The following NBEA variants were observed in gnomAD, a reference collection of about 807,000 sequenced individuals.
The protein encoded by NBEA is lysosomal-trafficking regulator 2.
In NBEA, 44 loss-of-function variants were observed where a neutral mutation model predicts 343.4. The ratio of observed to expected loss-of-function variants is 0.13; its 90% CI spans 0.10 to 0.16. The LOEUF is 0.16. Among genes scored for constraint, NBEA ranks in the 10% least tolerant of loss-of-function variants. NBEA has a pLI of 1.00. For synonymous variants in NBEA, 1,175 were observed against 1,238.7 expected, an observed-to-expected ratio of 0.95 and a Z score of 1.08; for missense variants, 2,555 against 3,631.3, an observed-to-expected ratio of 0.70 and a Z score of 7.62.
chr13:35,203,475 T>G (rs1593730812), intron 31 of NBEA, among the ~76,000 whole-genome samples: 1 of 152,218 alleles, frequency 6.6e-6, no homozygotes, highest in East Asian at 1.9e-4. Context: ...CTTACAGCAC[T>G]TAACATCTGA....
intron 48 of NBEA, among the ~76,000 whole-genome samples, chr13:35,624,444 C>A (rs1343023576): frequency 6.6e-6 from 1 of 151,924 alleles, no homozygotes; most frequent in East Asian, 1.9e-4. Flanking sequence ...CTGTATAAAT[C>A]AAGATATTTG....
intron 55 of NBEA, 124 bp downstream of exon 55, chr13:35,655,873 G>A: frequency 1.2e-6 from 1 of 805,356 alleles, no homozygotes; most frequent in Non-Finnish European, 1.9e-6. Flanking sequence ...AGCTTAAGTG[G>A]CCAAAATCTG....
At chr13:35,662,756 G>C (rs879403992) in intron 55 of NBEA, among the ~76,000 whole-genome samples, 1 of 152,128 alleles carries the variant, frequency 6.6e-6, no homozygotes, top group Non-Finnish European at 1.5e-5. Flanking sequence ...CATGCATAAG[G>C]AATATTTTTA....
At chr13:34,975,344 A>G (rs1313502159) in intron 1 of NBEA, among the ~76,000 whole-genome samples, 2 of 152,200 alleles carry the variant, frequency 1.3e-5, no homozygotes, top group African/African-American at 2.4e-5. Flanking sequence ...AAAGCAAACA[A>G]AAGCATAAAG....
At chr13:35,329,589 A>G (rs543868745) in intron 36 of NBEA, among the ~76,000 whole-genome samples, 104 of 152,154 alleles carry the variant, frequency 6.8e-4, no homozygotes, top group Non-Finnish European at 1.2e-3. Flanking sequence ...GAAGCCAAAC[A>G]GCAAAGACAT....
intron 48 of NBEA, among the ~76,000 whole-genome samples, chr13:35,620,594 T>A (rs2082939741): frequency 6.6e-6 from 1 of 152,144 alleles, no homozygotes; most frequent in Admixed American, 6.5e-5. Context: ...AAATGTAAAG[T>A]CCTTGCAATC....
chr13:35,178,301 G>A (rs2071056762), intron 28 of NBEA, among the ~76,000 whole-genome samples: 1 of 151,664 alleles, frequency 6.6e-6, no homozygotes, highest in African/African-American at 2.4e-5. Context: ...AGTCGTTCTA[G>A]TCAGAATTTG....
At chr13:35,589,998 A>G (rs2081460561) in intron 46 of NBEA, among the ~76,000 whole-genome samples, 1 of 152,150 alleles carries the variant, frequency 6.6e-6, no homozygotes, top group Non-Finnish European at 1.5e-5. Context: ...ATTCATTTAT[A>G]CATCTTATCT....
intron 41 of NBEA, among the ~76,000 whole-genome samples, chr13:35,514,396 A>C (rs2152988520): frequency 6.6e-6 from 1 of 152,238 alleles, no homozygotes; most frequent in South Asian, 2.1e-4. Context: ...CGGTATAATT[A>C]GTCAAATTAC....
intron 1 of NBEA, among the ~76,000 whole-genome samples, chr13:35,007,811 A>G (rs1213240675): frequency 6.6e-6 from 1 of 152,066 alleles, no homozygotes; most frequent in East Asian, 1.9e-4. Flanking sequence ...TGTTTTTCAC[A>G]TTAGTAATTA....
At chr13:35,113,586 C>CATCTATCTATCTATCTATCT (rs71078081) in intron 13 of NBEA, among the ~76,000 whole-genome samples, 36 of 146,692 alleles carry the variant, frequency 2.5e-4, no homozygotes, top group Non-Finnish European at 3.6e-4. Flanking sequence ...CTCCTCCACT[C>CATCTATCTATCTATCTATCT]ATCTATCTAT....
chr13:35,396,464 T>C (rs1488030430), intron 38 of NBEA, among the ~76,000 whole-genome samples: 3 of 152,184 alleles, frequency 2.0e-5, no homozygotes, highest in Non-Finnish European at 4.4e-5. Flanking sequence ...AGTTGTTGTC[T>C]AGGGATTATT....
At chr13:35,164,536 T>C in intron 24 of NBEA, 27 bp downstream of exon 24, 1 of 1,592,064 alleles carries the variant, frequency 6.3e-7, no homozygotes, top group Non-Finnish European at 8.6e-7. Flanking sequence ...CATCTAGTGG[T>C]TATATTTTAT....
intron 12 of NBEA, among the ~76,000 whole-genome samples, 158 bp from the exon 13 acceptor site, chr13:35,110,652 T>A (rs1304767857): frequency 6.6e-6 from 1 of 152,128 alleles, no homozygotes; most frequent in South Asian, 2.1e-4. Context: ...TTTTTAAATA[T>A]AAATAATATT....
intron 41 of NBEA, chr13:35,476,118 C>T: frequency 6.2e-7 from 1 of 1,614,164 alleles, no homozygotes. Flanking sequence ...GGTAGACCAG[C>T]TTGGCCTGGG....
chr13:35,013,492 A>G (rs1238958416), intron 1 of NBEA, among the ~76,000 whole-genome samples: 1 of 148,098 alleles, frequency 6.8e-6, no homozygotes, highest in Non-Finnish European at 1.5e-5. Context: ...TTTTTTTGAG[A>G]CAGAGTCTCA....
chr13:35,041,977 T>G (rs576792706), intron 2 of NBEA, among the ~76,000 whole-genome samples: 1 of 151,954 alleles, frequency 6.6e-6, no homozygotes. Context: ...ATTATAAAAG[T>G]GCTGATATTA....
At position 35,160,023 on chromosome 13, in the gene NBEA, T is replaced by C; in HGVS notation, c.3852T>C (p.Thr1284=). ...GKEIRKIQTT[T]TTQAVQGRSI... ...AAATCCGAAAAATCCAAACAACTACTACGACACAAGTAAGCTACCTTATAT... is the reference window on the plus strand; with the variant it reads ...AAATCCGAAAAATCCAAACAACTACCACGACACAAGTAAGCTACCTTATAT... Residue 1284 remains threonine, a synonymous_variant, in exon 22 of 59, where the codon ACT becomes ACC. Coordinates refer to ENST00000379939, the MANE Select transcript of NBEA (RefSeq NM_001385012.1). 1 of 1,575,130 alleles carries C rather than the reference T, an allele frequency of 6.3e-7. No individual in the cohort carries two copies. Among genetic ancestry groups the C allele is most frequent in the Non-Finnish European group, 8.6e-7 (1 of 1,163,300 alleles).
Position 35,045,311 on chromosome 13 carries a change from A to G in NBEA, c.633A>G (p.Arg211=), listed in dbSNP as rs898757352. The G allele has an allele frequency of 6.2e-7, 1 of 1,605,548 alleles. No individual in the cohort carries two copies. Among genetic ancestry groups the G allele is most frequent in the Non-Finnish European group, 8.5e-7 (1 of 1,176,168 alleles). ...TTCTTTTATTGTTTCCCCAGCCAAG[A>G]CATGCAGTAAAATTATTATCAGTTC... The part of the protein sequence containing the change: ...MLRGESGIWP[R]HAVKLLSVLN... The change falls in exon 4 of 59, where the codon AGA becomes AGG. Residue 211 remains arginine, a synonymous_variant. Coordinates refer to ENST00000379939, the MANE Select transcript of NBEA (RefSeq NM_001385012.1).
Sources: allele counts gnomAD v4.1 joint callset (sites outside exome capture counted in the v4.1 genomes callset), GRCh38; gene constraint gnomAD v4.1.1; transcripts MANE v1.5; gene names NCBI Gene and HGNC (gene_info 2026-07-23, HGNC 2026-07-21).